The following LDLRAD3 variants were observed in gnomAD, a reference collection of about 807,000 sequenced individuals.
LDLRAD3 encodes low density lipoprotein receptor class A domain containing 3.
A neutral mutation model predicts 29.4 loss-of-function variants in LDLRAD3; 20 were observed. The ratio of observed to expected loss-of-function variants is 0.68; its 90% CI spans 0.48 to 0.99. The LOEUF (loss-of-function observed/expected upper bound fraction) is 0.99. Among genes scored for constraint, LDLRAD3 ranks in the 50% least tolerant of loss-of-function variants. LDLRAD3 has a pLI of 0.00. For synonymous variants in LDLRAD3, 157 were observed against 192.7 expected (o/e 0.81, Z 1.53); for missense variants, 420 against 454.3 (o/e 0.92, Z 0.69).
chr11:36,141,035 T>TCTCC (rs71044551), intron 4 of LDLRAD3, among the ~76,000 whole-genome samples: 31 of 145,878 alleles, frequency 2.1e-4, no homozygotes, highest in African/African-American at 7.6e-4. Flanking sequence ...TCTCTCTCTC[T>TCTCC]CCGTGTGGGG....
intron 1 of LDLRAD3, among the ~76,000 whole-genome samples, chr11:35,957,255 A>G (rs959402947): frequency 1.3e-5 from 2 of 152,216 alleles, no homozygotes; most frequent in African/African-American, 4.8e-5. Flanking sequence ...TCACTTCTGA[A>G]TATAGCATAG....
chr11:36,083,148 G>A (rs12787615), intron 3 of LDLRAD3, among the ~76,000 whole-genome samples: 10,634 of 152,198 alleles, frequency 0.07, 547 homozygotes, highest in South Asian at 0.2. Flanking sequence ...TGATACAATC[G>A]TTACGATCAA....
In LDLRAD3 at chr11:36,227,156, A is replaced by G. The variant is rs1203820264; in HGVS notation, c.526A>G (p.Ile176Val). Residue 176 changes from isoleucine (I) to valine (V), a missense_variant, in exon 5 of 6, where the codon ATC becomes GTC. By Grantham distance (29) the Ile-to-Val change is conservative (BLOSUM62 3). Transcript: ENST00000315571. ...LVYYPSITYAIIGSSVIFVLV... is the reference protein window; with the variant it reads ...LVYYPSITYAVIGSSVIFVLV... ...GTATTACCCCAGCATCACCTATGCC[A>G]TCATCGGCAGCTCCGTCATTTTTGT... is the stretch of plus-strand genomic sequence containing the variant. 3.1e-6 allele frequency: 5 copies of G among 1,614,110 alleles called. No homozygotes were observed. The highest frequency in any genetic ancestry group is 4.2e-6 in the Non-Finnish European group (5 of 1,179,994).
intron 3 of LDLRAD3, among the ~76,000 whole-genome samples, chr11:36,092,623 G>C (rs1590260455): frequency 6.6e-6 from 1 of 152,156 alleles, no homozygotes; most frequent in Admixed American, 6.5e-5. Flanking sequence ...TTGCTTTTTA[G>C]AGCGTTTCTG....
At chr11:36,132,635 T>G (rs1239982771) in intron 4 of LDLRAD3, among the ~76,000 whole-genome samples, 1 of 152,324 alleles carries the variant, frequency 6.6e-6, no homozygotes, top group Non-Finnish European at 1.5e-5. Flanking sequence ...CAGAAGCACA[T>G]GGATTTTTAA....
intron 4 of LDLRAD3, among the ~76,000 whole-genome samples, chr11:36,164,850 C>T (rs1354589309): frequency 6.6e-6 from 1 of 152,234 alleles, no homozygotes; most frequent in African/African-American, 2.4e-5. Context: ...ATGTGCTTCA[C>T]CTTGAATTAG....
intron 1 of LDLRAD3, among the ~76,000 whole-genome samples, chr11:36,032,892 T>C (rs1245276283): frequency 6.6e-6 from 1 of 151,952 alleles, no homozygotes; most frequent in Non-Finnish European, 1.5e-5. Context: ...TTTTTTTTTT[T>C]AGACAGAGTT....
At chr11:35,950,972 A>G (rs1028454749) in intron 1 of LDLRAD3, among the ~76,000 whole-genome samples, 1 of 152,122 alleles carries the variant, frequency 6.6e-6, no homozygotes, top group Non-Finnish European at 1.5e-5. Context: ...AATCCCAGCT[A>G]CTTGGGAGGC....
chr11:35,955,809 A>G (rs1014712956), intron 1 of LDLRAD3, among the ~76,000 whole-genome samples: 1 of 152,244 alleles, frequency 6.6e-6, no homozygotes, highest in Non-Finnish European at 1.5e-5. Flanking sequence ...TAATGTTTTA[A>G]GTAAAGTCTG....
At chr11:36,084,633 A>C (rs1853169040) in intron 3 of LDLRAD3, among the ~76,000 whole-genome samples, 1 of 152,234 alleles carries the variant, frequency 6.6e-6, no homozygotes, top group Non-Finnish European at 1.5e-5. Context: ...TTATTGAAGA[A>C]TACCAGCTAA....
intron 4 of LDLRAD3, among the ~76,000 whole-genome samples, chr11:36,112,447 T>G (rs10836493): frequency 0.12 from 17,568 of 152,222 alleles, 2,147 homozygotes; most frequent in East Asian, 0.32. Context: ...GCCAGGGGAC[T>G]TAATGTATGT....
chr11:36,103,913 T>C (rs1408956847), intron 4 of LDLRAD3, among the ~76,000 whole-genome samples: 1 of 152,234 alleles, frequency 6.6e-6, no homozygotes, highest in African/African-American at 2.4e-5. Flanking sequence ...TGTATATATG[T>C]CACATTTGGT....
chr11:36,133,741 G>C (rs1472473014), intron 4 of LDLRAD3, among the ~76,000 whole-genome samples: 2 of 149,386 alleles, frequency 1.3e-5, no homozygotes, highest in African/African-American at 4.9e-5. Flanking sequence ...GTTTCACCGT[G>C]TTAGCCAGGA....
Position 36,225,655 on chromosome 11 carries a change from A to G in LDLRAD3, c.455-1430A>G, listed in dbSNP as rs371266147. 4.6e-5 allele frequency among the ~76,000 whole-genome samples: 7 copies of G among 151,884 alleles called. No individual in the cohort carries two copies. In the South Asian group the frequency reaches 1.0e-3, roughly 23 times the overall value. On this transcript the variant is annotated intron_variant, in intron 4 of 5. Transcript: ENST00000315571. ...CTCACGCACAACTCCTTACCTCCAA[A>G]CTGTGTGGCCTTGGTCAGGGGAACT...
chr11:36,149,027 G>T (rs367610335), intron 4 of LDLRAD3, among the ~76,000 whole-genome samples: 1 of 152,128 alleles, frequency 6.6e-6, no homozygotes, highest in African/African-American at 2.4e-5. Flanking sequence ...GCCCCATGTC[G>T]CACACTGGGA....
intron 4 of LDLRAD3, among the ~76,000 whole-genome samples, chr11:36,108,150 A>G (rs1853555598): frequency 6.6e-6 from 1 of 151,892 alleles, no homozygotes; most frequent in Non-Finnish European, 1.5e-5. Context: ...CCCCGTCTCT[A>G]CTAAAAATAC....
At chr11:36,173,191 T>A (rs924025549) in intron 4 of LDLRAD3, among the ~76,000 whole-genome samples, 2 of 152,122 alleles carry the variant, frequency 1.3e-5, no homozygotes, top group Non-Finnish European at 2.9e-5. Context: ...TTCATTCTTT[T>A]TTATTATTAT....
At chr11:36,006,945 C>T (rs1851892967) in intron 1 of LDLRAD3, among the ~76,000 whole-genome samples, 1 of 152,194 alleles carries the variant, frequency 6.6e-6, no homozygotes, top group South Asian at 2.1e-4. Flanking sequence ...CCATTGCCAC[C>T]ATCCTGCTCA....
chr11:36,090,926 C>G, intron 3 of LDLRAD3, among the ~76,000 whole-genome samples: 1 of 152,168 alleles, frequency 6.6e-6, no homozygotes, highest in East Asian at 1.9e-4. Flanking sequence ...GAAGGAGGAA[C>G]TGACAGGTGT....
Sources: gnomAD v4.1 joint callset for allele counts (sites outside exome capture counted in the v4.1 genomes callset) on GRCh38, gnomAD v4.1.1 for gene constraint, MANE v1.5 for transcripts, NCBI Gene and HGNC (gene_info 2026-07-23, HGNC 2026-07-21) for gene names.